MCF2L2: variants seen among roughly 807,000 people sequenced by gnomAD.
MCF2L2 encodes probable guanine nucleotide exchange factor MCF2L2.
A neutral mutation model predicts 150.2 loss-of-function variants in MCF2L2; 102 were observed. The observed-to-expected ratio is 0.68, with a 90% CI of 0.58 to 0.80. MCF2L2 has a LOEUF of 0.80. MCF2L2 is among the 30% of genes least tolerant of loss of function. The pLI, the probability that MCF2L2 is intolerant of heterozygous loss-of-function variation, is 0.00. For synonymous variants in MCF2L2, 465 were observed against 491.3 expected (o/e 0.95, Z 0.71); for missense variants, 1,256 against 1,372.8 (o/e 0.91, Z 1.34).
At chr3:183,361,478 G>C (rs907452320) in intron 3 of MCF2L2, among the ~76,000 whole-genome samples, 31 of 152,134 alleles carry the variant, frequency 2.0e-4, no homozygotes, top group African/African-American at 7.5e-4. Flanking sequence ...GTTCTCATGA[G>C]ATCTGATGGT....
intron 21 of MCF2L2, among the ~76,000 whole-genome samples, chr3:183,218,326 C>T (rs984225357): frequency 8.5e-5 from 13 of 152,174 alleles, no homozygotes; most frequent in Non-Finnish European, 1.5e-4. Flanking sequence ...TTTATTTTAA[C>T]AACATCAATA....
chr3:183,397,344 T>C (rs984457552), intron 1 of MCF2L2, among the ~76,000 whole-genome samples: 1 of 152,158 alleles, frequency 6.6e-6, no homozygotes, highest in Non-Finnish European at 1.5e-5. Flanking sequence ...CATCCTCACA[T>C]GGTGGAAGGG....
At chr3:183,180,035 G>A (rs1721463588) in intron 28 of MCF2L2, 36 bp downstream of exon 28, 5 of 1,497,602 alleles carry the variant, frequency 3.3e-6, no homozygotes, top group Non-Finnish European at 2.8e-6. Context: ...TAGGAAGGAG[G>A]GAAGAAGATG....
Position 183,270,528 on chromosome 3 carries a change from T to C in MCF2L2, c.1862+6344A>G. ...CAAATACTACGTGTCCTATGAAATG[T>C]ACCAGTGGCCAGCTTACCCTGACTA... is the stretch of plus-strand genomic sequence containing the variant. On this transcript the variant is annotated intron_variant, in intron 15 of 29. Coordinates refer to ENST00000328913, the MANE Select transcript of MCF2L2 (RefSeq NM_015078.4). This position sits in a 1 kb window ranked among gnomAD's most constrained non-coding sequence, Gnocchi z 4.5. 6.2e-7 allele frequency: 1 copy of C among 1,614,196 alleles called. No homozygotes were observed. The highest frequency in any genetic ancestry group is 8.5e-7 in the Non-Finnish European group (1 of 1,180,022).
intron 6 of MCF2L2, among the ~76,000 whole-genome samples, chr3:183,321,912 C>T (rs1729828665): frequency 6.6e-6 from 1 of 152,228 alleles, no homozygotes; most frequent in South Asian, 2.1e-4. Flanking sequence ...TTGGGAAGTT[C>T]AAGATCAAGG....
intron 11 of MCF2L2, chr3:183,297,829 C>G (rs988474539): frequency 3.3e-5 from 5 of 152,496 alleles, no homozygotes; most frequent in Non-Finnish European, 7.3e-5. Flanking sequence ...ACCCACCCAG[C>G]CTTATAGCTA....
intron 2 of MCF2L2, among the ~76,000 whole-genome samples, chr3:183,381,157 A>G (rs1713504795): frequency 6.6e-6 from 1 of 152,226 alleles, no homozygotes; most frequent in African/African-American, 2.4e-5. Context: ...CCACTTGAAG[A>G]GGAATCATGG....
At position 183,230,986 on chromosome 3, in the gene MCF2L2, C is replaced by T; in HGVS notation, c.1894G>A (p.Glu632Lys). ...RIIRDLLETE[E>K]IYIKEIKSII... Reference sequence around the variant, plus strand: ...CTTTTAATCTCTTTTATGTAAATCTCTTCAGTCTCAAGCAAGTCACGTATA... The same window carrying T: ...CTTTTAATCTCTTTTATGTAAATCTTTTCAGTCTCAAGCAAGTCACGTATA... The change falls in exon 16 of 30, where the codon GAG (glutamate) becomes AAG (lysine). Residue 632 changes from glutamate (E) to lysine (K), a missense_variant. Transcript: ENST00000328913. The T allele has an allele frequency of 6.2e-7, 1 of 1,613,980 alleles. No individual in the cohort carries two copies. The highest frequency in any genetic ancestry group is 8.5e-7 in the Non-Finnish European group (1 of 1,179,950).
chr3:183,399,277 AT>A (rs1256538278), intron 1 of MCF2L2, among the ~76,000 whole-genome samples: 1 of 152,196 alleles, frequency 6.6e-6, no homozygotes, highest in Admixed American at 6.6e-5. Context: ...AACAATGATT[AT>A]TTTTAAAGCA....
At chr3:183,338,400 T>C (rs999679921) in intron 5 of MCF2L2, among the ~76,000 whole-genome samples, 1 of 149,582 alleles carries the variant, frequency 6.7e-6, no homozygotes, top group African/African-American at 2.5e-5. Flanking sequence ...TGAGCCGAGA[T>C]TGTGCCATTG....
At chr3:183,198,169 A>G (rs1722137960) in intron 25 of MCF2L2, among the ~76,000 whole-genome samples, 1 of 152,248 alleles carries the variant, frequency 6.6e-6, no homozygotes, top group Admixed American at 6.5e-5. Flanking sequence ...GCCCCAAAGC[A>G]GAAACAAATC....
chr3:183,313,232 A>AACACACACACACACACACAC (rs111694523), intron 7 of MCF2L2, among the ~76,000 whole-genome samples: 8 of 149,304 alleles, frequency 5.4e-5, no homozygotes, highest in African/African-American at 1.7e-4. Flanking sequence ...AGCTTCCAGC[A>AACACACACACACACACACAC]ACACACACAC....
chr3:183,183,307 C>T (rs896959036), intron 27 of MCF2L2, among the ~76,000 whole-genome samples: 9 of 152,216 alleles, frequency 5.9e-5, no homozygotes, highest in African/African-American at 1.9e-4. Flanking sequence ...CCTGGGCTGA[C>T]TTTTGCTGTC....
intron 15 of MCF2L2, among the ~76,000 whole-genome samples, chr3:183,234,491 T>C (rs1472506764): frequency 1.3e-5 from 2 of 152,174 alleles, no homozygotes; most frequent in Admixed American, 1.3e-4. Flanking sequence ...TCATTTTACC[T>C]GTTGGAGTGC....
rs1359615605 is a variant in MCF2L2, at chr3:183,216,576, ATATATTTTTTTTTTTTTTTT to A, written c.2371-502_2371-483del. 4.7e-3 allele frequency among the ~76,000 whole-genome samples: 125 copies of A among 26,506 alleles called. 2 individuals carry two copies. The highest frequency in any genetic ancestry group is 0.031 in the African/African-American group (115 of 3,706). The allele number at this position is 26,506 out of a possible 152,430, so 17.4% of individuals were successfully genotyped here. A position where few individuals can be genotyped will look rare whatever the true frequency, so the allele number is the denominator to read the frequency against. On this transcript the variant is annotated intron_variant, in intron 21 of 29. Coordinates refer to ENST00000328913, the MANE Select transcript of MCF2L2 (RefSeq NM_015078.4). ...ATTATATATATATATATATATATATATATATTTTTTTTTTTTTTTTTTTTTTTTTTTTTTTTTTTTGAGAG... is the reference window on the plus strand; with the variant it reads ...ATTATATATATATATATATATATATATTTTTTTTTTTTTTTTTTTTGAGAG...
intron 1 of MCF2L2, among the ~76,000 whole-genome samples, chr3:183,421,781 CT>C (rs1357725468): frequency 6.6e-6 from 1 of 152,186 alleles, no homozygotes; most frequent in Non-Finnish European, 1.5e-5. Flanking sequence ...ATACTGATTC[CT>C]CTTTTCCCCA....
Position 183,374,680 on chromosome 3 carries a change from A to AAAAGAAAGAAAGAAAGAAAG in MCF2L2, c.275+4597_275+4616dup, listed in dbSNP as rs1373820958. On this transcript the variant is annotated intron_variant, in intron 3 of 29. Coordinates refer to ENST00000328913, the MANE Select transcript of MCF2L2 (RefSeq NM_015078.4). ...CGAAACTCCGTCTCAAAAAAAAAAA[A>AAAAGAAAGAAAGAAAGAAAG]AAAGAAAGAAAGAAAGAAAGAAAAA... 1.3e-4 allele frequency: 20 copies of AAAAGAAAGAAAGAAAGAAAG among 148,316 alleles called. No homozygotes were observed. The Middle Eastern group carries it at 0.011, about 78-fold the overall frequency. 9.2% of individuals were successfully genotyped at this position (148,316 alleles called of 1,614,324 possible).
chr3:183,214,922 C>A (rs1011530100), intron 22 of MCF2L2, among the ~76,000 whole-genome samples: 2 of 151,908 alleles, frequency 1.3e-5, no homozygotes, highest in East Asian at 1.9e-4. Flanking sequence ...TTGAACCTGG[C>A]GGGCAGAGGT....
intron 3 of MCF2L2, among the ~76,000 whole-genome samples, chr3:183,356,269 C>T (rs1047416980): frequency 1.3e-5 from 2 of 151,374 alleles, no homozygotes; most frequent in Non-Finnish European, 2.9e-5. Flanking sequence ...AATCCCAGCA[C>T]TTTGGGAGGC....
Sources: gnomAD v4.1 joint callset for allele counts (sites outside exome capture counted in the v4.1 genomes callset) on GRCh38, gnomAD v4.1.1 for gene constraint, Gnocchi (gnomAD v3.1) non-coding constraint, MANE v1.5 for transcripts, NCBI Gene and HGNC (gene_info 2026-07-23, HGNC 2026-07-21) for gene names.